The following MYO19 variants were observed in gnomAD, a reference collection of about 807,000 sequenced individuals.
The protein encoded by MYO19 is unconventional myosin-XIX.
A neutral mutation model predicts 129.2 loss-of-function variants in MYO19; 132 were observed. The observed-to-expected ratio is 1.02, with a 90% confidence interval of 0.89 to 1.18. The LOEUF (loss-of-function observed/expected upper bound fraction) is 1.18, where lower values mean the gene tolerates loss of function less well. Among genes scored for constraint, MYO19 ranks in the 50% most tolerant of loss-of-function variants. The probability of loss-of-function intolerance (pLI) is 0.00; values close to 1 mark genes in which losing one functional copy is unlikely to be tolerated. For missense variants in MYO19, 1,210 were observed against 1,216.7 expected (o/e 0.99, Z 0.08); for synonymous variants, 531 against 477.2 (o/e 1.11, Z -1.47).
chr17:36,529,153 CT>C (rs145146881), intron 3 of MYO19, among the ~76,000 whole-genome samples: 10 of 149,576 alleles, frequency 6.7e-5, no homozygotes, highest in African/African-American at 1.2e-4. Context: ...CCTTGCCTAT[CT>C]TTTTTTTTTC....
In MYO19 at chr17:36,528,091, T is replaced by G. The variant is rs773479789; in HGVS notation, c.124A>C (p.Arg42=). The G allele has an allele frequency of 6.2e-7, 1 of 1,613,942 alleles. No homozygotes were observed. Among genetic ancestry groups the G allele is most frequent in the South Asian group, 1.1e-5 (1 of 91,078 alleles). The change falls in exon 4 of 26, where the codon AGG becomes CGG. Residue 42 remains arginine, a synonymous_variant. Transcript: ENST00000614623. ...GTCTCTAGTGTCACAGGATTCACCC[T>G]GGTGAGGTCATCCAGTTTGTACAGC... The part of the protein sequence containing the change: ...VLLYKLDDLT[R]VNPVTLETVL...
intron 2 of MYO19, among the ~76,000 whole-genome samples, chr17:36,541,578 A>T (rs1201593975): frequency 6.6e-6 from 1 of 152,200 alleles, no homozygotes; most frequent in Non-Finnish European, 1.5e-5. Context: ...ATAATTTATT[A>T]CAGCTCCGTC....
intron 21 of MYO19, 93 bp from the exon 22 acceptor site, chr17:36,501,328 A>G: frequency 1.5e-6 from 2 of 1,327,852 alleles, no homozygotes; most frequent in Admixed American, 2.4e-5. Context: ...AGCACTCTAC[A>G]GGTCTCTTTC....
chr17:36,536,524 CT>C (rs10715370), upstream of MYO19, among the ~76,000 whole-genome samples: 2,237 of 125,402 alleles, frequency 0.018, 9 homozygotes, highest in Middle Eastern at 0.044. Context: ...TTTTCTTTTC[CT>C]TTTTTTTTTT....
intron 2 of MYO19, among the ~76,000 whole-genome samples, chr17:36,532,908 G>T (rs565333853): frequency 1.3e-5 from 2 of 152,292 alleles, no homozygotes; most frequent in Admixed American, 1.3e-4. Context: ...GTTTGGGTTG[G>T]GGTGGGGCTG....
At chr17:36,501,015 TGAG>T (rs1253164755) in intron 22 of MYO19, 51 bp downstream of exon 22, 44 of 1,603,726 alleles carry the variant, frequency 2.7e-5, no homozygotes, top group Non-Finnish European at 3.8e-5. Flanking sequence ...CCCCTCCTGC[TGAG>T]GAGAGCACAC....
chr17:36,526,807 A>G (rs945647237), intron 5 of MYO19, among the ~76,000 whole-genome samples: 3 of 152,192 alleles, frequency 2.0e-5, no homozygotes, highest in Non-Finnish European at 4.4e-5. Flanking sequence ...GAATCACTTG[A>G]ACCCTGGAGG....
chr17:36,537,123 G>A (rs1443321558), upstream of MYO19: 1 of 1,593,842 alleles, frequency 6.3e-7, no homozygotes, highest in South Asian at 1.1e-5. Context: ...GCAGATGAAG[G>A]AAGCTTTTGT....
chr17:36,511,255 TA>T, intron 12 of MYO19, 109 bp downstream of exon 12: 1 of 1,212,598 alleles, frequency 8.2e-7, no homozygotes, highest in Non-Finnish European at 1.2e-6. Flanking sequence ...GTGGGTGGCA[TA>T]AGCAAGGGCA....
intron 3 of MYO19, among the ~76,000 whole-genome samples, chr17:36,529,814 G>C (rs2073719926): frequency 6.6e-6 from 1 of 152,146 alleles, no homozygotes; most frequent in Non-Finnish European, 1.5e-5. Context: ...CAAGTACCTG[G>C]ACTTGAAAGT....
Position 36,527,612 on chromosome 17 carries a change from G to C in MYO19, c.239C>G (p.Pro80Arg), listed in dbSNP as rs761032150. The C allele has an allele frequency of 1.2e-6, 2 of 1,613,920 alleles. No individual in the cohort carries two copies. The change falls in exon 5 of 26, where the codon CCT (proline) becomes CGT (arginine). Residue 80 changes from proline to arginine, a missense_variant. By Grantham distance (103) the Pro-to-Arg change is moderately radical. Coordinates refer to ENST00000614623, the MANE Select transcript of MYO19 (RefSeq NM_001163735.2). ...CTCGGGCGAGTAGAGCTGAGGAACA[G>C]GCTTGAAGGGGTTCAAGGCTACCAG... The part of the protein sequence containing the change: ...CTLVALNPFK[P>R]VPQLYSPELM...
Position 36,507,063 on chromosome 17 carries a change from C to A in MYO19, c.1544G>T (p.Cys515Phe), listed in dbSNP as rs772667987. Reference protein sequence around the residue: ...RIETALAGSPCLGHNKLSREP... With the variant: ...RIETALAGSPFLGHNKLSREP... ...CCGGCTGAGCTTATTGTGGCCCAGG[C>A]AGGGGCTGCCTGCCAGGGCAGTCTC... Residue 515 changes from cysteine (C) to phenylalanine (F), a missense_variant, in exon 17 of 26, where the codon TGC (cysteine) becomes TTC (phenylalanine). Coordinates refer to ENST00000614623, the MANE Select transcript of MYO19 (RefSeq NM_001163735.2). 9.9e-6 allele frequency: 16 copies of A among 1,613,506 alleles called. No homozygotes were observed. Among genetic ancestry groups the A allele is most frequent in the African/African-American group, 2.7e-5 (2 of 74,922 alleles).
At chr17:36,514,362 A>G (rs1409670567) in intron 9 of MYO19, 84 bp downstream of exon 9, 4 of 869,530 alleles carry the variant, frequency 4.6e-6, no homozygotes, top group Non-Finnish European at 7.8e-6. Context: ...CCAGGTATGG[A>G]GCATTCTGGG....
In MYO19 at chr17:36,510,783, T is replaced by A; in HGVS notation, c.1120A>T (p.Thr374Ser). The A allele has an allele frequency of 1.2e-6, 2 of 1,607,772 alleles. No homozygotes were observed. The highest frequency in any genetic ancestry group is 1.7e-6 in the Non-Finnish European group (2 of 1,177,200). Residue 374 changes from threonine to serine, a missense_variant, in exon 13 of 26, where the codon ACC becomes TCC. Coordinates refer to ENST00000614623, the MANE Select transcript of MYO19 (RefSeq NM_001163735.2). Reference protein sequence around the residue: ...RKPCARAECDTRRDCLAKLIY... With the variant: ...RKPCARAECDSRRDCLAKLIY... ...AGTTTGGCCAGGCAGTCTCTACGGG[T>A]GTCACACTCGGCTCGGGCGCAGGGC...
chr17:36,503,802 C>T (rs2071695116), intron 20 of MYO19, 148 bp downstream of exon 20: 2 of 584,558 alleles, frequency 3.4e-6, no homozygotes, highest in Non-Finnish European at 5.6e-6. Context: ...ATGGGTGCTG[C>T]TCCCTAGTTC....
chr17:36,500,294 C>G (rs971448596), intron 23 of MYO19: 4 of 152,554 alleles, frequency 2.6e-5, no homozygotes, highest in African/African-American at 9.7e-5. Flanking sequence ...TAATATTCTT[C>G]AAAAACACTT....
chr17:36,496,399 A>G lies in MYO19; in HGVS notation c.2765T>C (p.Ile922Thr), dbSNP rs1469684451. Residue 922 changes from isoleucine (I) to threonine (T), a missense_variant, in exon 26 of 26, where the codon ATA becomes ACA. Physicochemically the swap from Ile to Thr is moderately conservative, Grantham distance 89. Coordinates refer to ENST00000614623, the MANE Select transcript of MYO19 (RefSeq NM_001163735.2). The part of the protein sequence containing the change: ...TSIRALPQGS[I>T]KFHCRKSPLR... ...TGGAGACTTTCTGCAGTGAAACTTT[A>G]TCGATCCCTAGAGGGGAGAGAGAGA... 3 of 1,613,952 alleles carry G rather than the reference A, an allele frequency of 1.9e-6. No homozygotes were observed. The highest frequency in any genetic ancestry group is 4.5e-5 in the East Asian group (2 of 44,890).
chr17:36,527,760 C>T (rs990451054), intron 4 of MYO19, 61 bp from the exon 5 acceptor site: 10 of 1,528,272 alleles, frequency 6.5e-6, no homozygotes, highest in Non-Finnish European at 8.9e-6. Flanking sequence ...CACACACAGA[C>T]ACACATCTAC....
intron 7 of MYO19, 63 bp from the exon 8 acceptor site, chr17:36,515,245 T>C: frequency 1.4e-6 from 2 of 1,478,424 alleles, no homozygotes; most frequent in Non-Finnish European, 9.3e-7. Context: ...TAAGCCAAGG[T>C]GGCTGCAGGT....
Sources: allele counts gnomAD v4.1 joint callset (sites outside exome capture counted in the v4.1 genomes callset), GRCh38; gene constraint gnomAD v4.1.1; transcripts MANE v1.5; gene names NCBI Gene and HGNC (gene_info 2026-07-23, HGNC 2026-07-21).